DDC: variants seen among roughly 807,000 people sequenced by gnomAD.
The protein encoded by DDC is aromatic-L-amino-acid decarboxylase.
DDC carries 43 observed loss-of-function variants against 60.0 expected under a neutral mutation model. The observed-to-expected ratio is 0.72, with a 90% CI of 0.56 to 0.92. The LOEUF (loss-of-function observed/expected upper bound fraction) is 0.92, where lower values mean the gene tolerates loss of function less well. Ranked by LOEUF, DDC falls within the 40% of genes least tolerant of loss-of-function variation. The pLI, the probability that DDC is intolerant of heterozygous loss-of-function variation, is 0.00. For synonymous variants in DDC, 232 were observed against 234.6 expected (o/e 0.99, Z 0.10); for missense variants, 573 against 620.2 (o/e 0.92, Z 0.81).
intron 9 of DDC, among the ~76,000 whole-genome samples, chr7:50,484,404 G>A (rs896004967): frequency 1.3e-5 from 2 of 152,118 alleles, no homozygotes. Context: ...TTCAATTGAT[G>A]TCTGTTTTGT....
At chr7:50,559,250 A>G (rs749062604) in intron 1 of DDC, among the ~76,000 whole-genome samples, 3 of 152,082 alleles carry the variant, frequency 2.0e-5, no homozygotes, top group Admixed American at 6.5e-5. Flanking sequence ...TTGCCTCTGT[A>G]CAAACCAGAA....
intron 9 of DDC, among the ~76,000 whole-genome samples, chr7:50,488,635 T>C (rs1166878280): frequency 6.6e-6 from 1 of 152,106 alleles, no homozygotes; most frequent in African/African-American, 2.4e-5. Context: ...GAAAAAATAT[T>C]TATGTGATCA....
rs564729824 is a variant in DDC, at chr7:50,496,739, G to A, written c.877-1322C>T. On this transcript the variant is annotated intron_variant, in intron 8 of 14. Coordinates refer to ENST00000444124, the MANE Select transcript of DDC (RefSeq NM_001082971.2). ...ATAAAGGTGGCTGTTGCAGTGAGGC[G>A]CCAGTCTGGCCGACTCTCCTACTGG... Among the ~76,000 whole-genome samples, 10 of 152,244 alleles carry A rather than the reference G, an allele frequency of 6.6e-5. No individual in the cohort carries two copies. In the South Asian group the frequency reaches 1.7e-3, roughly 25 times the overall value.
At chr7:50,506,758 C>T (rs183624425) in intron 6 of DDC, among the ~76,000 whole-genome samples, 73 of 152,378 alleles carry the variant, frequency 4.8e-4, no homozygotes, top group African/African-American at 1.6e-3. Flanking sequence ...TACAAAGCAA[C>T]GTATTGCACT....
At chr7:50,543,794 C>T (rs1447431078) in intron 2 of DDC, 91 bp downstream of exon 2, 15 of 1,272,312 alleles carry the variant, frequency 1.2e-5, no homozygotes, top group Non-Finnish European at 1.7e-5. Flanking sequence ...CATAGGGATT[C>T]CTTGAAACAA....
chr7:50,508,351 T>C (rs2043456897), intron 6 of DDC, among the ~76,000 whole-genome samples: 1 of 151,908 alleles, frequency 6.6e-6, no homozygotes, highest in South Asian at 2.1e-4. Context: ...GAAGGAGGGG[T>C]AGGGGACAGT....
At chr7:50,557,971 G>T (rs2045238730) in intron 1 of DDC, among the ~76,000 whole-genome samples, 1 of 151,842 alleles carries the variant, frequency 6.6e-6, no homozygotes, top group African/African-American at 2.4e-5. Flanking sequence ...TTCATTCATG[G>T]TTGCTAATTT....
chr7:50,508,345 GA>G (rs1358909249), intron 6 of DDC, among the ~76,000 whole-genome samples: 1 of 152,224 alleles, frequency 6.6e-6, no homozygotes, highest in African/African-American at 2.4e-5. Context: ...CAGGGGGAAG[GA>G]GGGGTAGGGG....
chr7:50,501,363 C>T (rs1375910451), intron 7 of DDC, among the ~76,000 whole-genome samples: 6 of 152,212 alleles, frequency 3.9e-5, no homozygotes, highest in East Asian at 1.9e-4. Flanking sequence ...ACTTCCCCAT[C>T]GGCAACCTAA....
chr7:50,496,932 T>C (rs1315059029), intron 8 of DDC, among the ~76,000 whole-genome samples: 1 of 152,234 alleles, frequency 6.6e-6, no homozygotes. Context: ...GTTCATTTCC[T>C]TCTAGGTTTT....
chr7:50,548,553 C>G (rs1437083591), intron 1 of DDC, among the ~76,000 whole-genome samples: 1 of 152,226 alleles, frequency 6.6e-6, no homozygotes, highest in Non-Finnish European at 1.5e-5. Context: ...AAGGTCTTAA[C>G]TGTCTTCAAT....
At chr7:50,558,573 C>T (rs1224217420) in intron 1 of DDC, among the ~76,000 whole-genome samples, 2 of 152,262 alleles carry the variant, frequency 1.3e-5, no homozygotes, top group East Asian at 3.8e-4. Flanking sequence ...TCCTGATAAG[C>T]TCGTGGTATA....
At chr7:50,556,725 C>T (rs950060445) in intron 1 of DDC, among the ~76,000 whole-genome samples, 1 of 152,206 alleles carries the variant, frequency 6.6e-6, no homozygotes, top group Non-Finnish European at 1.5e-5. Flanking sequence ...GCACTGGGTC[C>T]TAAGTCCCAC....
At chr7:50,471,710 C>G (rs969285043) in intron 11 of DDC, among the ~76,000 whole-genome samples, 1 of 152,200 alleles carries the variant, frequency 6.6e-6, no homozygotes, top group Non-Finnish European at 1.5e-5. Context: ...GCAGCAGAGC[C>G]TGAGCCGAAC....
chr7:50,543,789 G>A, intron 2 of DDC, 96 bp downstream of exon 2: 1 of 1,213,896 alleles, frequency 8.2e-7, no homozygotes, highest in Non-Finnish European at 1.2e-6. Context: ...ACTGCCATAG[G>A]GATTCCTTGA....
chr7:50,487,110 A>G (rs1750442806), intron 9 of DDC, among the ~76,000 whole-genome samples: 1 of 152,212 alleles, frequency 6.6e-6, no homozygotes, highest in Admixed American at 6.5e-5. Flanking sequence ...TTATGTCTAT[A>G]TGTTCAGATA....
chr7:50,462,191 G>GA (rs1444441798), intron 14 of DDC, among the ~76,000 whole-genome samples: 1 of 118,012 alleles, frequency 8.5e-6, no homozygotes, highest in Non-Finnish European at 1.6e-5. Flanking sequence ...CCTAAGGAGG[G>GA]ATCACAGATT....
chr7:50,476,534 T>C (rs1483099616), intron 11 of DDC, 90 bp downstream of exon 11: 2 of 1,215,024 alleles, frequency 1.6e-6, no homozygotes, highest in East Asian at 2.3e-5. Flanking sequence ...GTGCTGATCA[T>C]GAGAGTGGGG....
At chr7:50,558,878 G>A (rs946924961) in intron 1 of DDC, among the ~76,000 whole-genome samples, 6 of 152,148 alleles carry the variant, frequency 3.9e-5, no homozygotes, top group Non-Finnish European at 7.4e-5. Flanking sequence ...CTGGTTCACT[G>A]CACATGAGAG....
Sources: allele counts gnomAD v4.1 joint callset (sites outside exome capture counted in the v4.1 genomes callset), GRCh38; gene constraint gnomAD v4.1.1; transcripts MANE v1.5; gene names NCBI Gene and HGNC (gene_info 2026-07-23, HGNC 2026-07-21).